CCDC30: variants seen among roughly 807,000 people sequenced by gnomAD.
CCDC30 encodes the protein coiled-coil domain containing 30.
Under a neutral mutation model 100.2 loss-of-function variants are expected in CCDC30, and 70 were observed. The observed-to-expected ratio is 0.70, with a 90% CI of 0.58 to 0.85. CCDC30 has a LOEUF of 0.85. Ranked by LOEUF, CCDC30 falls within the 40% of genes least tolerant of loss-of-function variation. The pLI, the probability that CCDC30 is intolerant of heterozygous loss-of-function variation, is 0.00. For missense variants in CCDC30, 652 were observed against 771.2 expected (o/e 0.85, Z 1.83); for synonymous variants, 233 against 269.5 (o/e 0.86, Z 1.33).
intron 7 of CCDC30, among the ~76,000 whole-genome samples, chr1:42,574,603 T>A (rs1645796104): frequency 6.6e-6 from 1 of 152,204 alleles, no homozygotes; most frequent in Non-Finnish European, 1.5e-5. Flanking sequence ...TCCACTCTAA[T>A]GTATTCTTTT....
intron 2 of CCDC30, among the ~76,000 whole-genome samples, chr1:42,481,112 TA>T (rs145002073): frequency 0.21 from 30,098 of 144,446 alleles, 3,215 homozygotes; most frequent in South Asian, 0.43. Flanking sequence ...CCTCATCTCT[TA>T]AAAAAAAAAA....
intron 6 of CCDC30, among the ~76,000 whole-genome samples, chr1:42,526,693 C>T (rs755232535): frequency 2.0e-5 from 3 of 152,090 alleles, no homozygotes; most frequent in Non-Finnish European, 4.4e-5. Context: ...CAAAATTTAT[C>T]TACCCTAATA....
At chr1:42,555,159 C>G (rs1462287278) in intron 6 of CCDC30, among the ~76,000 whole-genome samples, 1 of 152,336 alleles carries the variant, frequency 6.6e-6, no homozygotes, top group Admixed American at 6.5e-5. Context: ...ACAACAGTCT[C>G]TCAAATGGTT....
chr1:42,526,617 A>G lies in CCDC30; in HGVS notation c.456+27701A>G, dbSNP rs557583503. 6.6e-5 allele frequency among the ~76,000 whole-genome samples: 10 copies of G among 152,256 alleles called. No individual in the cohort carries two copies. In the South Asian group the frequency reaches 2.1e-3, roughly 32 times the overall value. On this transcript the variant is annotated intron_variant, in intron 6 of 16. Transcript: ENST00000668663. ...GTTTTTGTCCTCTGTATCAGAGGGAATGACTCTCTAGACTTAATGTTCTGT... is the reference window on the plus strand; with the variant it reads ...GTTTTTGTCCTCTGTATCAGAGGGAGTGACTCTCTAGACTTAATGTTCTGT...
At chr1:42,474,674 G>C (rs1250557876) in intron 1 of CCDC30, among the ~76,000 whole-genome samples, 1 of 152,176 alleles carries the variant, frequency 6.6e-6, no homozygotes, top group Non-Finnish European at 1.5e-5. Flanking sequence ...CTACCCATCA[G>C]AGTATGAATT....
intron 10 of CCDC30, among the ~76,000 whole-genome samples, chr1:42,599,166 G>T (rs1203830397): frequency 6.6e-6 from 1 of 152,146 alleles, no homozygotes; most frequent in Non-Finnish European, 1.5e-5. Flanking sequence ...ATTTGATTAT[G>T]TGTGTCATAT....
intron 10 of CCDC30, among the ~76,000 whole-genome samples, chr1:42,601,064 C>A (rs992284621): frequency 6.6e-6 from 1 of 152,046 alleles, no homozygotes; most frequent in Admixed American, 6.6e-5. Flanking sequence ...CTAATACAGA[C>A]CCTAATGGAA....
rs555377477 is a variant in CCDC30 at position 42,596,806 on chromosome 1, A to G, written c.1164+7323A>G. ...GCAAGCATTAGAACCAGGCTCAGAT[A>G]CAGCAGGAATATTGAAATTATCAGA... On this transcript the variant is annotated intron_variant, in intron 10 of 16. Transcript: ENST00000668663. The surrounding 1 kb of genome is among the most constrained non-coding windows in gnomAD (Gnocchi z 4.3). 6.6e-6 allele frequency among the ~76,000 whole-genome samples: 1 copy of G among 152,310 alleles called. No homozygotes were observed. The highest frequency in any genetic ancestry group is 1.5e-5 in the Non-Finnish European group (1 of 68,028).
At position 42,554,521 on chromosome 1, in the gene CCDC30, G is replaced by A. The variant is rs111703157; in HGVS notation, c.457-11775G>A. ...TCGAACTCCTGACCTCAGGTGATCC[G>A]CCCACCTCACCTCCCAAAGTGCTGG... On this transcript the variant is annotated intron_variant, in intron 6 of 16. Coordinates refer to ENST00000668663, the Ensembl canonical transcript of CCDC30. Among the ~76,000 whole-genome samples, 1,204 of 151,416 alleles carry A rather than the reference G, an allele frequency of 8.0e-3. 21 individuals are homozygous for A. The highest frequency in any genetic ancestry group is 0.027 in the African/African-American group (1,124 of 41,302).
intron 6 of CCDC30, among the ~76,000 whole-genome samples, chr1:42,505,321 A>G (rs903688026): frequency 1.3e-5 from 2 of 152,152 alleles, no homozygotes; most frequent in Non-Finnish European, 1.5e-5. Context: ...ATTGATCCAG[A>G]TTTTTACATT....
chr1:42,466,372 C>T (rs1257336522), intron 1 of CCDC30, among the ~76,000 whole-genome samples: 4 of 152,286 alleles, frequency 2.6e-5, no homozygotes, highest in East Asian at 1.9e-4. Context: ...GTCCTCTTCT[C>T]GTTTAAAATT....
intron 11 of CCDC30, among the ~76,000 whole-genome samples, chr1:42,635,762 C>T (rs376769152): frequency 2.7e-5 from 4 of 150,006 alleles, no homozygotes; most frequent in African/African-American, 7.4e-5. Context: ...GAGCCAAGAT[C>T]GCACCACTGC....
At chr1:42,580,992 C>T (rs528049598) in intron 8 of CCDC30, 7 of 372,476 alleles carry the variant, frequency 1.9e-5, no homozygotes, top group African/African-American at 1.3e-4. Flanking sequence ...GTACTCACCA[C>T]CACGCCCGGC....
intron 7 of CCDC30, among the ~76,000 whole-genome samples, chr1:42,572,262 G>A (rs981054730): frequency 6.6e-6 from 1 of 152,154 alleles, no homozygotes; most frequent in East Asian, 1.9e-4. Flanking sequence ...TTGCCTGTTT[G>A]CAAACAAGGT....
chr1:42,648,665 G>T (rs561059726), intron 15 of CCDC30, among the ~76,000 whole-genome samples: 16 of 152,144 alleles, frequency 1.1e-4, no homozygotes, highest in African/African-American at 3.4e-4. Flanking sequence ...GCAAGACTCT[G>T]TCTCAAAACA....
intron 10 of CCDC30, chr1:42,591,625 A>G (rs1003644605): frequency 6.6e-6 from 1 of 152,348 alleles, no homozygotes; most frequent in Non-Finnish European, 1.5e-5. Flanking sequence ...AGAAGTTCTA[A>G]TAGGGCAATG....
chr1:42,602,046 A>G (rs1187897377), intron 10 of CCDC30, among the ~76,000 whole-genome samples: 1 of 152,206 alleles, frequency 6.6e-6, no homozygotes, highest in Middle Eastern at 3.2e-3. Flanking sequence ...GAACTGAAAA[A>G]TGGACTAAAG....
At chr1:42,544,505 A>T (rs1016953847) in intron 6 of CCDC30, among the ~76,000 whole-genome samples, 1 of 152,116 alleles carries the variant, frequency 6.6e-6, no homozygotes, top group Non-Finnish European at 1.5e-5. Context: ...TTTCTTTAAC[A>T]AATATTTTAT....
intron 6 of CCDC30, among the ~76,000 whole-genome samples, chr1:42,546,385 C>CA (rs1159008864): frequency 4.0e-4 from 2 of 5,016 alleles, no homozygotes; most frequent in African/African-American, 1.2e-3. Flanking sequence ...AATTCTGTCT[C>CA]AAAAAAAAAA....
Sources: allele counts gnomAD v4.1 joint callset (sites outside exome capture counted in the v4.1 genomes callset), GRCh38; gene constraint gnomAD v4.1.1; non-coding constraint Gnocchi (gnomAD v3.1); transcripts MANE v1.5; gene names NCBI Gene and HGNC (gene_info 2026-07-23, HGNC 2026-07-21).